Variants in BMP7 observed in about 807,000 individuals in gnomAD.
The protein encoded by BMP7 is bone morphogenetic protein 7, also known as osteogenic protein 1.
Under a neutral mutation model 41.2 loss-of-function variants are expected in BMP7, and 12 were observed. That is an observed-to-expected ratio of 0.29 (90% CI 0.19 to 0.47). The LOEUF is 0.47. Among genes scored for constraint, BMP7 ranks in the 20% least tolerant of loss-of-function variants. The pLI is 0.99. For synonymous variants in BMP7, 248 were observed against 250.0 expected (o/e 0.99, Z 0.07); for missense variants, 467 against 606.0 (o/e 0.77, Z 2.41).
At chr20:57,207,653 G>A (rs1257949884) in intron 2 of BMP7, among the ~76,000 whole-genome samples, 1 of 152,138 alleles carries the variant, frequency 6.6e-6, no homozygotes, top group Admixed American at 6.5e-5. Flanking sequence ...TTGACAAGGT[G>A]GAAATATGAT....
chr20:57,214,874 AC>A lies in BMP7; in HGVS notation c.612-12252del, dbSNP rs1334906203. 1.3e-5 allele frequency: 2 copies of A among 152,278 alleles called. No homozygotes were observed. The highest frequency in any genetic ancestry group is 4.8e-5 in the African/African-American group (2 of 41,468). 9.4% of individuals were successfully genotyped at this position (152,278 alleles called of 1,614,324 possible). The stretch of plus-strand genomic sequence containing the variant: ...CCCTGGAGCGGCCTCTCCACCAGGC[AC>A]ACAGCTTAGCACAAAGCAGGCCTCA... On this transcript the variant is annotated intron_variant, in intron 2 of 6. Transcript: ENST00000395863. This position sits in a 1 kb window ranked among gnomAD's most constrained non-coding sequence, Gnocchi z 4.0.
intron 3 of BMP7, among the ~76,000 whole-genome samples, chr20:57,200,692 C>T (rs560104322): frequency 2.0e-4 from 31 of 152,186 alleles, no homozygotes; most frequent in African/African-American, 6.3e-4. Flanking sequence ...GCTACTCAAG[C>T]GCTGAAGCAG....
intron 4 of BMP7, among the ~76,000 whole-genome samples, chr20:57,180,109 G>A (rs1984040693): frequency 6.6e-6 from 1 of 152,080 alleles, no homozygotes; most frequent in South Asian, 2.1e-4. Flanking sequence ...GGAGTCTCCG[G>A]CCTCTGAGCA....
chr20:57,209,584 C>A (rs539993365), intron 2 of BMP7, among the ~76,000 whole-genome samples: 12 of 152,082 alleles, frequency 7.9e-5, no homozygotes, highest in Non-Finnish European at 1.5e-4. Flanking sequence ...GTGGTGTTGG[C>A]TGCACAACTC....
chr20:57,170,719 T>G lies in BMP7; in HGVS notation c.*240A>C, dbSNP rs1983797426. ...GGCCATTTTTCTTTATGCGTTGTTT[T>G]TTTTTCCTGCTAGGTTTTGCCTGCA... On this transcript the variant is annotated 3_prime_UTR_variant, in exon 7 of 7. Coordinates refer to ENST00000395863, the MANE Select transcript of BMP7 (RefSeq NM_001719.3). 3.9e-6 allele frequency: 2 copies of G among 515,454 alleles called. No individual in the cohort carries two copies. The highest frequency in any genetic ancestry group is 5.7e-4 in the Middle Eastern group (1 of 1,740). The allele number at this position is 515,454 out of a possible 1,614,324, so 31.9% of individuals were successfully genotyped here. A position where few individuals can be genotyped will look rare whatever the true frequency, so the allele number is the denominator to read the frequency against.
At chr20:57,264,447 A>C (rs570296270) in intron 1 of BMP7, among the ~76,000 whole-genome samples, 1 of 152,206 alleles carries the variant, frequency 6.6e-6, no homozygotes, top group Non-Finnish European at 1.5e-5. Context: ...ATATTTGATC[A>C]TCAGTCCCGC....
At chr20:57,173,396 G>T in intron 5 of BMP7, 86 bp from the exon 6 acceptor site, 3 of 1,328,100 alleles carry the variant, frequency 2.3e-6, no homozygotes, top group Non-Finnish European at 3.2e-6. Flanking sequence ...AAACCACCAC[G>T]CCAGGCTCAC....
At chr20:57,201,499 G>C (rs1462342321) in intron 3 of BMP7, among the ~76,000 whole-genome samples, 2 of 152,208 alleles carry the variant, frequency 1.3e-5, no homozygotes, top group Admixed American at 6.5e-5. Context: ...AATACCCAGA[G>C]AGCATCTCTG....
At chr20:57,252,162 A>G (rs1185807872) in intron 1 of BMP7, among the ~76,000 whole-genome samples, 1 of 152,200 alleles carries the variant, frequency 6.6e-6, no homozygotes, top group Non-Finnish European at 1.5e-5. Context: ...TGTTCCAATA[A>G]AACTTTATTT....
chr20:57,225,658 C>A (rs1277702303), intron 2 of BMP7, among the ~76,000 whole-genome samples: 2 of 152,018 alleles, frequency 1.3e-5, no homozygotes, highest in African/African-American at 4.8e-5. Context: ...CATCTTGGTT[C>A]TAGGTTGAAA....
At chr20:57,258,911 C>T (rs2066143970) in intron 1 of BMP7, among the ~76,000 whole-genome samples, 1 of 152,134 alleles carries the variant, frequency 6.6e-6, no homozygotes, top group African/African-American at 2.4e-5. Context: ...ACAAGAGCTA[C>T]CATTTGTTTT....
In BMP7 at chr20:57,233,889, G is replaced by A. The variant is rs868520490; in HGVS notation, c.419-5468C>T. 5.7e-4 allele frequency among the ~76,000 whole-genome samples: 87 copies of A among 152,150 alleles called. 1 individual carries two copies. Among genetic ancestry groups the A allele is most frequent in the Non-Finnish European group, 2.9e-5 (2 of 68,038 alleles). Reference sequence around the variant, plus strand: ...CCCAAATATATGCATATGTACAGTCGTACATCATAATGCACAAAACTAAAC... The same window carrying A: ...CCCAAATATATGCATATGTACAGTCATACATCATAATGCACAAAACTAAAC... On this transcript the variant is annotated intron_variant, in intron 1 of 6. Coordinates refer to ENST00000395863, the MANE Select transcript of BMP7 (RefSeq NM_001719.3).
chr20:57,239,238 G>C (rs933172635), intron 1 of BMP7, among the ~76,000 whole-genome samples: 1 of 152,164 alleles, frequency 6.6e-6, no homozygotes, highest in Non-Finnish European at 1.5e-5. Flanking sequence ...TTCCAAATGG[G>C]AGAAATTGGC....
chr20:57,244,112 G>A (rs1270654191), intron 1 of BMP7: 1 of 152,230 alleles, frequency 6.6e-6, no homozygotes, highest in Admixed American at 6.5e-5. Flanking sequence ...AGGATGCCCA[G>A]AGTCACACGC....
At chr20:57,200,665 G>A (rs1290497225) in intron 3 of BMP7, among the ~76,000 whole-genome samples, 1 of 152,160 alleles carries the variant, frequency 6.6e-6, no homozygotes, top group African/African-American at 2.4e-5. Flanking sequence ...GTGTGGTGGC[G>A]GGCGCCTGTA....
rs889254931 is a variant in BMP7, at chr20:57,215,859, C to T, written c.611+12370G>A. The T allele has an allele frequency of 2.0e-5, 3 of 151,872 alleles. No individual in the cohort carries two copies. The highest frequency in any genetic ancestry group is 7.3e-5 in the African/African-American group (3 of 41,336). The allele number at this position is 151,872 out of a possible 1,614,324, so 9.4% of individuals were successfully genotyped here. A position where few individuals can be genotyped will look rare whatever the true frequency, so the allele number is the denominator to read the frequency against. On this transcript the variant is annotated intron_variant, in intron 2 of 6. Transcript: ENST00000395863. This position sits in a 1 kb window ranked among gnomAD's most constrained non-coding sequence, Gnocchi z 4.2. ...ACACTCAAGGAATAAACAAGCACCA[C>T]AAATACAGTCTTCGGGCTGGGTCAT...
At chr20:57,251,468 T>C (rs770406224) in intron 1 of BMP7, among the ~76,000 whole-genome samples, 1 of 152,104 alleles carries the variant, frequency 6.6e-6, no homozygotes, top group Non-Finnish European at 1.5e-5. Context: ...ACATCACCCT[T>C]GTGGGGACTC....
At chr20:57,235,530 C>A (rs78284984) in intron 1 of BMP7, among the ~76,000 whole-genome samples, 4,135 of 152,180 alleles carry the variant, frequency 0.027, 77 homozygotes, top group Non-Finnish European at 0.041. Context: ...TTGGCAAATC[C>A]CAGTGCCTGC....
In BMP7 at chr20:57,261,696, C is replaced by T. The variant is rs929731961; in HGVS notation, c.418+4009G>A. 3.9e-5 allele frequency among the ~76,000 whole-genome samples: 6 copies of T among 152,316 alleles called. No homozygotes were observed. Among genetic ancestry groups the T allele is most frequent in the Non-Finnish European group, 7.3e-5 (5 of 68,034 alleles). On this transcript the variant is annotated intron_variant, in intron 1 of 6. Transcript: ENST00000395863. The surrounding 1 kb of genome is among the most constrained non-coding windows in gnomAD (Gnocchi z 4.1). The stretch of plus-strand genomic sequence containing the variant: ...TTGGCTGCTCACCAGTGAGGGCCGG[C>T]GCTCCGAGTGCTGGAATGTGGAGCA...
Sources: gnomAD v4.1 joint callset for allele counts (sites outside exome capture counted in the v4.1 genomes callset) on GRCh38, gnomAD v4.1.1 for gene constraint, Gnocchi (gnomAD v3.1) non-coding constraint, MANE v1.5 for transcripts, NCBI Gene and HGNC (gene_info 2026-07-23, HGNC 2026-07-21) for gene names.